ASTN1: variants seen among roughly 807,000 people sequenced by gnomAD.
ASTN1 encodes the protein astrotactin-1.
A neutral mutation model predicts 140.7 loss-of-function variants in ASTN1; 41 were observed. That is an observed-to-expected ratio of 0.29 (90% CI 0.23 to 0.38). The LOEUF (loss-of-function observed/expected upper bound fraction) is 0.38. Among genes scored for constraint, ASTN1 ranks in the 10% least tolerant of loss-of-function variants. The pLI is 1.00. For synonymous variants in ASTN1, 640 were observed against 652.2 expected, an observed-to-expected ratio of 0.98 and a Z score of 0.29; for missense variants, 1,479 against 1,678.8, an observed-to-expected ratio of 0.88 and a Z score of 2.08.
chr1:176,924,404 T>C (rs943287312), intron 16 of ASTN1, among the ~76,000 whole-genome samples: 5 of 152,262 alleles, frequency 3.3e-5, no homozygotes, highest in Middle Eastern at 3.2e-3. Context: ...CACTGAGGCC[T>C]TCTCTGTGCT....
chr1:177,083,408 A>T (rs1337894827), intron 1 of ASTN1, among the ~76,000 whole-genome samples: 1 of 152,154 alleles, frequency 6.6e-6, no homozygotes, highest in Non-Finnish European at 1.5e-5. Flanking sequence ...TGAAAGCAAC[A>T]TTCTTTTCTC....
intron 9 of ASTN1, among the ~76,000 whole-genome samples, chr1:176,964,644 T>C (rs12131748): frequency 0.18 from 26,977 of 151,918 alleles, 3,153 homozygotes; most frequent in Non-Finnish European, 0.26. Context: ...AGCAAAGTAG[T>C]AGGTAAAAGA....
intron 16 of ASTN1, among the ~76,000 whole-genome samples, chr1:176,906,843 CAA>C (rs35062067): frequency 4.5e-4 from 39 of 86,416 alleles, no homozygotes; most frequent in Admixed American, 1.0e-3. Context: ...GACTCTCTCT[CAA>C]AAAAAAAAAA....
chr1:176,888,240 G>A, intron 17 of ASTN1, 36 bp from the exon 18 acceptor site: 2 of 1,611,206 alleles, frequency 1.2e-6, no homozygotes, highest in Middle Eastern at 1.8e-4. Context: ...TGAGTGTTGA[G>A]AAGCCAGGGC....
intron 1 of ASTN1, among the ~76,000 whole-genome samples, chr1:177,111,108 G>A (rs1221873656): frequency 6.6e-6 from 1 of 152,150 alleles, no homozygotes; most frequent in Non-Finnish European, 1.5e-5. Context: ...AAGAAGACCT[G>A]GTAGTTGGGA....
chr1:177,152,641 T>G (rs1683088453), intron 1 of ASTN1, among the ~76,000 whole-genome samples: 1 of 152,052 alleles, frequency 6.6e-6, no homozygotes, highest in Non-Finnish European at 1.5e-5. Flanking sequence ...TAATTATTTC[T>G]TAATTAATTT....
intron 1 of ASTN1, among the ~76,000 whole-genome samples, chr1:177,099,707 C>A (rs1680209374): frequency 6.6e-6 from 1 of 152,280 alleles, no homozygotes; most frequent in East Asian, 1.9e-4. Context: ...AGCAAGCCCA[C>A]AGAAACTGCC....
intron 21 of ASTN1, among the ~76,000 whole-genome samples, chr1:176,869,459 A>G (rs1018549411): frequency 2.6e-5 from 4 of 152,222 alleles, no homozygotes; most frequent in African/African-American, 7.2e-5. Context: ...AGCTTGAGGA[A>G]AAAGCTCATA....
At chr1:176,920,675 G>T (rs973316521) in intron 16 of ASTN1, among the ~76,000 whole-genome samples, 1 of 152,258 alleles carries the variant, frequency 6.6e-6, no homozygotes, top group Admixed American at 6.5e-5. Context: ...CATGGGTTCC[G>T]CTGAGGGCTC....
intron 2 of ASTN1, among the ~76,000 whole-genome samples, chr1:177,034,503 G>T (rs563942396): frequency 3.9e-5 from 6 of 152,058 alleles, no homozygotes; most frequent in Non-Finnish European, 8.8e-5. Context: ...ATGGGTATGA[G>T]TCCAAAGCCA....
chr1:177,035,987 G>T (rs1173323105), intron 2 of ASTN1, among the ~76,000 whole-genome samples: 1 of 149,744 alleles, frequency 6.7e-6, no homozygotes, highest in Non-Finnish European at 1.5e-5. Context: ...AGTAAAAAAC[G>T]CTTCCTCTGC....
At chr1:176,874,802 C>T (rs1402690809) in intron 21 of ASTN1, among the ~76,000 whole-genome samples, 3 of 152,140 alleles carry the variant, frequency 2.0e-5, no homozygotes, top group Non-Finnish European at 4.4e-5. Flanking sequence ...CTATCTCCCT[C>T]ATCCCCAGTT....
intron 8 of ASTN1, among the ~76,000 whole-genome samples, chr1:177,001,221 A>G (rs1393570685): frequency 2.0e-5 from 3 of 152,248 alleles, no homozygotes; most frequent in Non-Finnish European, 4.4e-5. Flanking sequence ...AAGGTATGAC[A>G]GTGCAATTTT....
At chr1:176,865,633 A>T (rs1406014135) in intron 22 of ASTN1, among the ~76,000 whole-genome samples, 1 of 152,162 alleles carries the variant, frequency 6.6e-6, no homozygotes, top group Non-Finnish European at 1.5e-5. Context: ...CTCAATAAAC[A>T]CTATTCTTTG....
At chr1:176,990,762 A>C (rs1332010170) in intron 8 of ASTN1, among the ~76,000 whole-genome samples, 1 of 152,150 alleles carries the variant, frequency 6.6e-6, no homozygotes, top group Non-Finnish European at 1.5e-5. Context: ...TACATAAATC[A>C]GGCAAGGAAA....
intron 2 of ASTN1, among the ~76,000 whole-genome samples, chr1:177,037,455 A>G (rs1218664334): frequency 6.6e-6 from 1 of 152,236 alleles, no homozygotes; most frequent in Non-Finnish European, 1.5e-5. Flanking sequence ...GGCTTTACAG[A>G]GAGCATACAG....
intron 8 of ASTN1, among the ~76,000 whole-genome samples, chr1:177,004,681 C>A (rs1322614467): frequency 2.6e-5 from 4 of 152,072 alleles, no homozygotes; most frequent in African/African-American, 4.8e-5. Flanking sequence ...CAAATACTTA[C>A]AACCATATGA....
At chr1:177,160,798 G>A (rs1647312584) in intron 1 of ASTN1, among the ~76,000 whole-genome samples, 1 of 152,182 alleles carries the variant, frequency 6.6e-6, no homozygotes, top group African/African-American at 2.4e-5. Flanking sequence ...TTTTAAATTA[G>A]AAATGACAGT....
At chr1:176,914,889 C>T (rs1034819804) in intron 16 of ASTN1, among the ~76,000 whole-genome samples, 2 of 152,078 alleles carry the variant, frequency 1.3e-5, no homozygotes, top group African/African-American at 2.4e-5. Flanking sequence ...AAACTTTCCT[C>T]TTATTAGAAG....
Sources: gnomAD v4.1 joint callset for allele counts (sites outside exome capture counted in the v4.1 genomes callset) on GRCh38, gnomAD v4.1.1 for gene constraint, MANE v1.5 for transcripts, NCBI Gene and HGNC (gene_info 2026-07-23, HGNC 2026-07-21) for gene names.